The following SYNPR variants were observed in gnomAD, a reference collection of about 807,000 sequenced individuals.
SYNPR encodes synaptoporin.
A neutral mutation model predicts 32.9 loss-of-function variants in SYNPR; 23 were observed. That is an observed-to-expected ratio of 0.70 (90% CI 0.50 to 0.99). The LOEUF is 0.99. Ranked by LOEUF, SYNPR falls within the 50% of genes least tolerant of loss-of-function variation. The pLI is 0.00. For synonymous variants in SYNPR, 146 were observed against 135.9 expected, an observed-to-expected ratio of 1.07 and a Z score of -0.52; for missense variants, 318 against 349.3, an observed-to-expected ratio of 0.91 and a Z score of 0.71.
chr3:63,609,800 C>T (rs1347936480), intron 5 of SYNPR, among the ~76,000 whole-genome samples: 4 of 152,088 alleles, frequency 2.6e-5, no homozygotes, highest in Non-Finnish European at 5.9e-5. Flanking sequence ...GTCCCAGCTA[C>T]TCGGAAGGCT....
intron 3 of SYNPR, among the ~76,000 whole-genome samples, chr3:63,521,985 C>T (rs1012920395): frequency 6.6e-6 from 1 of 152,146 alleles, no homozygotes; most frequent in African/African-American, 2.4e-5. Context: ...CAGGCAGCCT[C>T]TCCAGGCACA....
At chr3:63,524,848 T>TGCGC (rs201384321) in intron 3 of SYNPR, among the ~76,000 whole-genome samples, 1 of 120,678 alleles carries the variant, frequency 8.3e-6, no homozygotes, top group African/African-American at 3.1e-5. Flanking sequence ...TGTGTGTGTG[T>TGCGC]GTGCATGTGT....
chr3:63,253,282 A>T (rs1006222639), intron 2 of SYNPR, among the ~76,000 whole-genome samples: 3 of 150,752 alleles, frequency 2.0e-5, no homozygotes, highest in Admixed American at 6.7e-5. Flanking sequence ...AATTCACAGT[A>T]AAAAAAAATA....
chr3:63,418,680 A>G (rs76194795), intron 2 of SYNPR, among the ~76,000 whole-genome samples: 7,849 of 152,294 alleles, frequency 0.052, 227 homozygotes, highest in South Asian at 0.13. Flanking sequence ...GGCAGCAGGC[A>G]GAGAGTTTTG....
At chr3:63,479,060 C>A (rs966729570) in intron 2 of SYNPR, among the ~76,000 whole-genome samples, 1 of 152,238 alleles carries the variant, frequency 6.6e-6, no homozygotes, top group African/African-American at 2.4e-5. Flanking sequence ...TGTGTCTCAA[C>A]CCTAGATTGT....
At chr3:63,568,379 A>G (rs1461983996) in intron 4 of SYNPR, among the ~76,000 whole-genome samples, 4 of 152,170 alleles carry the variant, frequency 2.6e-5, no homozygotes, top group East Asian at 3.9e-4. Flanking sequence ...AAAGCCAAGA[A>G]TATCTATTAG....
At chr3:63,608,505 T>C (rs543759164) in intron 4 of SYNPR, among the ~76,000 whole-genome samples, 2 of 152,336 alleles carry the variant, frequency 1.3e-5, no homozygotes, top group Admixed American at 6.5e-5. Flanking sequence ...ACAGCTCTTA[T>C]TGTCTTCCAC....
At chr3:63,536,365 T>G (rs1702208823) in intron 3 of SYNPR, among the ~76,000 whole-genome samples, 1 of 152,118 alleles carries the variant, frequency 6.6e-6, no homozygotes. Flanking sequence ...CATTAAAAGG[T>G]GCTCAGCATC....
chr3:63,585,471 C>T (rs1236991120), intron 4 of SYNPR, among the ~76,000 whole-genome samples: 1 of 151,686 alleles, frequency 6.6e-6, no homozygotes, highest in Admixed American at 6.6e-5. Flanking sequence ...CGCCCCGCAC[C>T]CACCACACAC....
intron 3 of SYNPR, among the ~76,000 whole-genome samples, chr3:63,519,227 C>T (rs948839705): frequency 3.9e-5 from 6 of 152,046 alleles, no homozygotes; most frequent in Middle Eastern, 3.2e-3. Context: ...TTTCTTTTTT[C>T]ATAGAGTACA....
intron 2 of SYNPR, among the ~76,000 whole-genome samples, chr3:63,346,700 T>C (rs1277119840): frequency 6.6e-6 from 1 of 152,154 alleles, no homozygotes; most frequent in Non-Finnish European, 1.5e-5. Flanking sequence ...CTTGATCTCC[T>C]GACCTCGTGA....
chr3:63,457,021 T>G (rs948620098), intron 2 of SYNPR, among the ~76,000 whole-genome samples: 2 of 152,060 alleles, frequency 1.3e-5, no homozygotes, highest in Non-Finnish European at 2.9e-5. Flanking sequence ...GTGGGTGGCC[T>G]AGCTGAGTGG....
At chr3:63,336,427 A>T (rs1457656624) in intron 2 of SYNPR, among the ~76,000 whole-genome samples, 1 of 150,090 alleles carries the variant, frequency 6.7e-6, no homozygotes, top group Non-Finnish European at 1.5e-5. Flanking sequence ...CAATCTAAAA[A>T]GTTTATGTTT....
At chr3:63,429,991 A>G (rs1281168949) in intron 2 of SYNPR, among the ~76,000 whole-genome samples, 1 of 152,242 alleles carries the variant, frequency 6.6e-6, no homozygotes, top group African/African-American at 2.4e-5. Context: ...CTCTCATCTG[A>G]GTAAGATACA....
intron 2 of SYNPR, among the ~76,000 whole-genome samples, chr3:63,475,495 C>T (rs1303758343): frequency 6.6e-6 from 1 of 152,124 alleles, no homozygotes; most frequent in Non-Finnish European, 1.5e-5. Flanking sequence ...CTGGGTTACA[C>T]CTTCAATGTC....
chr3:63,279,891 G>A (rs1251159827), intron 2 of SYNPR, among the ~76,000 whole-genome samples: 1 of 152,298 alleles, frequency 6.6e-6, no homozygotes, highest in East Asian at 1.9e-4. Flanking sequence ...ACAGCTTTTG[G>A]AAGGCTTGAA....
chr3:63,569,310 G>A (rs557141779), intron 4 of SYNPR, among the ~76,000 whole-genome samples: 1 of 152,088 alleles, frequency 6.6e-6, no homozygotes, highest in East Asian at 1.9e-4. Flanking sequence ...TGATTTTGAA[G>A]GCAGAAGTTT....
chr3:63,389,396 C>T (rs1400759430), intron 2 of SYNPR, among the ~76,000 whole-genome samples: 1 of 152,178 alleles, frequency 6.6e-6, no homozygotes. Flanking sequence ...CTCAGGCAGG[C>T]TCTCCCAACG....
chr3:63,355,311 C>T (rs1200781283), intron 2 of SYNPR, among the ~76,000 whole-genome samples: 2 of 151,262 alleles, frequency 1.3e-5, no homozygotes, highest in African/African-American at 2.4e-5. Context: ...GCAATTGATT[C>T]GATTTCACCC....
Sources: allele counts gnomAD v4.1 joint callset (sites outside exome capture counted in the v4.1 genomes callset), GRCh38; gene constraint gnomAD v4.1.1; transcripts MANE v1.5; gene names NCBI Gene and HGNC (gene_info 2026-07-23, HGNC 2026-07-21).